Variants in NRP2 observed in about 807,000 individuals in gnomAD.
NRP2 encodes the protein neuropilin 2.
NRP2 carries 52 observed loss-of-function variants against 110.4 expected under a neutral mutation model. That is an observed-to-expected ratio of 0.47 (90% CI 0.38 to 0.59). The LOEUF is 0.59. Among genes scored for constraint, NRP2 ranks in the 20% least tolerant of loss-of-function variants. The pLI, the probability that NRP2 is intolerant of heterozygous loss-of-function variation, is 0.00. For synonymous variants in NRP2, 508 were observed against 468.9 expected, an observed-to-expected ratio of 1.08 and a Z score of -1.08; for missense variants, 1,049 against 1,203.0, an observed-to-expected ratio of 0.87 and a Z score of 1.89.
In NRP2 at chr2:205,725,563, C is replaced by T. The variant is rs1409613026; in HGVS notation, c.821-350C>T. Among the ~76,000 whole-genome samples, 1 of 152,178 alleles carries T rather than the reference C, an allele frequency of 6.6e-6. No homozygotes were observed. The highest frequency in any genetic ancestry group is 2.4e-5 in the African/African-American group (1 of 41,444). ...ATGTATGAGCTCACCCAAATCGCCA[C>T]GAGTCTATCTCACATTTACCTGTAT... On this transcript the variant is annotated intron_variant, in intron 5 of 16. Coordinates refer to ENST00000357785, the MANE Select transcript of NRP2 (RefSeq NM_003872.3). This position sits in a 1 kb window ranked among gnomAD's most constrained non-coding sequence, Gnocchi z 4.1.
chr2:205,750,675 T>C (rs1295172024), intron 11 of NRP2, among the ~76,000 whole-genome samples: 1 of 152,240 alleles, frequency 6.6e-6, no homozygotes, highest in Admixed American at 6.5e-5. Context: ...GCTAGAATGT[T>C]AAGCTTGACA....
At chr2:205,792,661 A>T (rs1441085196) in intron 16 of NRP2, among the ~76,000 whole-genome samples, 1 of 152,204 alleles carries the variant, frequency 6.6e-6, no homozygotes, top group Non-Finnish European at 1.5e-5. Flanking sequence ...TAATGTGAAT[A>T]TTCTCCCAGA....
intron 13 of NRP2, chr2:205,764,209 T>G (rs539501732): frequency 1.8e-4 from 86 of 486,712 alleles, no homozygotes; most frequent in African/African-American, 1.6e-3. Flanking sequence ...TGCTATCAGG[T>G]AGGCTGACAA....
intron 1 of NRP2, among the ~76,000 whole-genome samples, chr2:205,696,499 G>A (rs2056429932): frequency 6.6e-6 from 1 of 152,154 alleles, no homozygotes; most frequent in Admixed American, 6.5e-5. Context: ...GTTCTACTGT[G>A]GTATTTAAGC....
chr2:205,780,968 A>T (rs572217102), intron 15 of NRP2, among the ~76,000 whole-genome samples: 1 of 152,368 alleles, frequency 6.6e-6, no homozygotes, highest in South Asian at 2.1e-4. Context: ...TCTAAATAAC[A>T]TTTGGCTTTC....
intron 8 of NRP2, among the ~76,000 whole-genome samples, chr2:205,742,794 C>A (rs1385982081): frequency 6.6e-6 from 1 of 152,156 alleles, no homozygotes; most frequent in East Asian, 1.9e-4. Flanking sequence ...TTCTGAGAGT[C>A]CTTGGTTAGA....
At chr2:205,706,760 A>T (rs1337170583) in intron 2 of NRP2, among the ~76,000 whole-genome samples, 1 of 152,108 alleles carries the variant, frequency 6.6e-6, no homozygotes, top group Non-Finnish European at 1.5e-5. Context: ...ATGGTGGGGT[A>T]CTGAGTTATC....
intron 15 of NRP2, chr2:205,776,791 C>T (rs1327360455): frequency 7.3e-7 from 1 of 1,368,266 alleles, no homozygotes; most frequent in Non-Finnish European, 9.5e-7. Flanking sequence ...AAGAGATCCA[C>T]CCCCAAGCAC....
intron 1 of NRP2, among the ~76,000 whole-genome samples, chr2:205,684,797 G>A (rs1004043304): frequency 2.6e-5 from 4 of 152,206 alleles, no homozygotes; most frequent in Non-Finnish European, 5.9e-5. Flanking sequence ...AGCTTGAAGC[G>A]GAATTAAATT....
At chr2:205,736,222 A>G (rs956611596) in intron 7 of NRP2, among the ~76,000 whole-genome samples, 3 of 152,234 alleles carry the variant, frequency 2.0e-5, no homozygotes, top group African/African-American at 7.2e-5. Context: ...CATACCTGTA[A>G]TCCCAGCTAC....
At position 205,697,771 on chromosome 2, in the gene NRP2, C is replaced by T. The variant is rs771261287; in HGVS notation, c.251+50C>T. 3.3e-6 allele frequency: 5 copies of T among 1,537,468 alleles called. No individual in the cohort carries two copies. The African/African-American group carries it at 5.5e-5, about 17-fold the overall frequency. On this transcript the variant is annotated intron_variant, in intron 2 of 16. Transcript: ENST00000357785. ...GTATCCCATCCATGAGATGCACACG[C>T]CCTGCCCCCACCCCTGCTCTTGTCA...
intron 10 of NRP2, among the ~76,000 whole-genome samples, 174 bp downstream of exon 10, chr2:205,746,064 G>A (rs1056844776): frequency 7.9e-5 from 12 of 152,124 alleles, no homozygotes; most frequent in African/African-American, 2.9e-4. Context: ...CTCTGGACTT[G>A]GGACAGTTTC....
intron 12 of NRP2, among the ~76,000 whole-genome samples, chr2:205,758,948 G>A (rs1053732036): frequency 1.3e-5 from 2 of 151,580 alleles, no homozygotes; most frequent in Admixed American, 6.6e-5. Flanking sequence ...CTCTTTTGAC[G>A]GTCCAAGTAA....
At position 205,683,235 on chromosome 2, in the gene NRP2, A is replaced by T; in HGVS notation, c.-56A>T. ...GGAAAATAAAAGAGAGAAAAACACA[A>T]AGATTTAAACAAGAAACCTACGAAC... On this transcript the variant is annotated 5_prime_UTR_variant, in exon 1 of 17. Coordinates refer to ENST00000357785, the MANE Select transcript of NRP2 (RefSeq NM_003872.3). 1 of 1,289,648 alleles carries T rather than the reference A, an allele frequency of 7.8e-7. No individual in the cohort carries two copies. The allele number at this position is 1,289,648 out of a possible 1,614,324, so 79.9% of individuals were successfully genotyped here.
chr2:205,710,402 G>A (rs2105777586), intron 2 of NRP2, among the ~76,000 whole-genome samples: 1 of 152,334 alleles, frequency 6.6e-6, no homozygotes, highest in Non-Finnish European at 1.5e-5. Context: ...TGGATGAAAT[G>A]AGGATTAAAT....
intron 8 of NRP2, among the ~76,000 whole-genome samples, chr2:205,741,177 G>A (rs1218403226): frequency 6.6e-6 from 1 of 152,206 alleles, no homozygotes; most frequent in Non-Finnish European, 1.5e-5. Flanking sequence ...ATATGGACAA[G>A]TTGGGCAGAC....
rs188118751 is a variant in NRP2, at chr2:205,784,988, C to A, written c.2426-7247C>A. Reference sequence around the variant, plus strand: ...TGGGGGAAATCATCTCTTGAATGGGCAGAGAGAGGTACATTTTTGGTAGCT... The same window carrying A: ...TGGGGGAAATCATCTCTTGAATGGGAAGAGAGAGGTACATTTTTGGTAGCT... On this transcript the variant is annotated intron_variant, in intron 15 of 16. Coordinates refer to ENST00000357785, the MANE Select transcript of NRP2 (RefSeq NM_003872.3). Among the ~76,000 whole-genome samples the A allele has an allele frequency of 2.6e-5, 4 of 152,136 alleles. No homozygotes were observed. In the East Asian group the frequency reaches 7.7e-4, roughly 29 times the overall value.
intron 15 of NRP2, among the ~76,000 whole-genome samples, chr2:205,775,677 C>A (rs1021686672): frequency 2.0e-5 from 3 of 152,218 alleles, no homozygotes; most frequent in African/African-American, 7.2e-5. Flanking sequence ...AATTTACCTT[C>A]AAGTCTAGCC....
At chr2:205,709,998 A>T (rs947103048) in intron 2 of NRP2, among the ~76,000 whole-genome samples, 1 of 152,148 alleles carries the variant, frequency 6.6e-6, no homozygotes, top group South Asian at 2.1e-4. Flanking sequence ...AAATCCGCTC[A>T]CTTTTCCTGT....
Sources: gnomAD v4.1 joint callset for allele counts (sites outside exome capture counted in the v4.1 genomes callset) on GRCh38, gnomAD v4.1.1 for gene constraint, Gnocchi (gnomAD v3.1) non-coding constraint, MANE v1.5 for transcripts, NCBI Gene and HGNC (gene_info 2026-07-23, HGNC 2026-07-21) for gene names.